Variants in PGLYRP3 observed in about 807,000 individuals in gnomAD.
The protein encoded by PGLYRP3 is peptidoglycan recognition protein 3.
Under a neutral mutation model 36.0 loss-of-function variants are expected in PGLYRP3, and 39 were observed. The observed-to-expected ratio is 1.08, with a 90% confidence interval of 0.84 to 1.41. PGLYRP3 has a LOEUF of 1.41. PGLYRP3 is among the 40% of genes most tolerant of loss of function. The pLI is 0.00. For synonymous variants in PGLYRP3, 204 were observed against 172.8 expected (o/e 1.18, Z -1.42); for missense variants, 407 against 427.9 (o/e 0.95, Z 0.43).
intron 2 of PGLYRP3, among the ~76,000 whole-genome samples, chr1:153,309,302 A>C (rs1016351289): frequency 6.6e-6 from 1 of 152,240 alleles, no homozygotes; most frequent in African/African-American, 2.4e-5. Context: ...AAGCAAAGCA[A>C]CTATGCTGTC....
intron 1 of PGLYRP3, among the ~76,000 whole-genome samples, chr1:153,311,499 T>C (rs1342818620): frequency 1.3e-5 from 2 of 152,184 alleles, no homozygotes; most frequent in Non-Finnish European, 1.5e-5. Flanking sequence ...CTTCACAACC[T>C]GTTTGAGTTT....
At chr1:153,298,604 C>G (rs951389431) in intron 7 of PGLYRP3, among the ~76,000 whole-genome samples, 1 of 152,078 alleles carries the variant, frequency 6.6e-6, no homozygotes, top group African/African-American at 2.4e-5. Context: ...CATCACGCCG[C>G]TGCACTCCAG....
At chr1:153,299,831 A>G (rs1659541772) in intron 6 of PGLYRP3, among the ~76,000 whole-genome samples, 1 of 152,148 alleles carries the variant, frequency 6.6e-6, no homozygotes, top group African/African-American at 2.4e-5. Flanking sequence ...CCCCTCACTC[A>G]GCCCACCTGG....
chr1:153,298,860 TC>T (rs1024355266), intron 7 of PGLYRP3, among the ~76,000 whole-genome samples: 35 of 152,106 alleles, frequency 2.3e-4, no homozygotes, highest in African/African-American at 7.2e-4. Context: ...AAAAGACGTT[TC>T]CCCCCTTGCT....
chr1:153,304,607 G>GAAGA (rs5777856), intron 4 of PGLYRP3, among the ~76,000 whole-genome samples: 149,343 of 152,250 alleles, frequency 0.98, 73,265 homozygotes, highest in Middle Eastern at 1. Flanking sequence ...TCTACCAGTG[G>GAAGA]AACTGGAATA....
Position 153,305,006 on chromosome 1 carries a change from A to C in PGLYRP3, c.317T>G (p.Leu106Trp), listed in dbSNP as rs1659702230. ...AATGTTGTTGTAGCCCTGGGTGTGC[A>C]AGCCTTGGATGTTCCAGCCAACACC... ...YEGVGWNIQG[L>W]HTQGYNNISL... Residue 106 changes from leucine to tryptophan, a missense_variant, in exon 4 of 8, where the codon TTG (leucine) becomes TGG (tryptophan). Physicochemically the swap from Leu to Trp is moderately conservative, Grantham distance 61 (BLOSUM62 -2). Transcript: ENST00000683862. 1.2e-6 allele frequency: 2 copies of C among 1,613,848 alleles called. No individual in the cohort carries two copies. The highest frequency in any genetic ancestry group is 1.7e-5 in the Admixed American group (1 of 59,986).
intron 6 of PGLYRP3, among the ~76,000 whole-genome samples, chr1:153,300,873 C>G (rs1036046484): frequency 6.6e-5 from 10 of 152,174 alleles, no homozygotes; most frequent in African/African-American, 2.4e-4. Context: ...TTGCAAATTC[C>G]CTTTACACTC....
At position 153,302,461 on chromosome 1, in the gene PGLYRP3, T is replaced by C; in HGVS notation, c.676A>G (p.Asn226Asp). 6.2e-7 allele frequency: 1 copy of C among 1,614,208 alleles called. No individual in the cohort carries two copies. The highest frequency in any genetic ancestry group is 1.3e-5 in the African/African-American group (1 of 75,054). ...GTGTCCATGTGAAAGGACTGTATGT[T>C]TCGGACGACAGTCTGGCAGTCTGTG... ...VSTDCQTVVR[N>D]IQSFHMDTRN... The change falls in exon 6 of 8, where the codon AAC becomes GAC. Residue 226 changes from asparagine (N) to aspartate (D), a missense_variant. Asn to Asp is a conservative substitution (Grantham distance 23). Transcript: ENST00000683862.
chr1:153,305,252 G>A (rs1216165919), intron 3 of PGLYRP3, among the ~76,000 whole-genome samples, 187 bp from the exon 4 acceptor site: 1 of 152,120 alleles, frequency 6.6e-6, no homozygotes, highest in Non-Finnish European at 1.5e-5. Flanking sequence ...TTTAATTTTT[G>A]TTGGGATTTA....
intron 6 of PGLYRP3, among the ~76,000 whole-genome samples, chr1:153,300,816 A>G (rs1453571713): frequency 2.6e-5 from 4 of 152,030 alleles, no homozygotes; most frequent in African/African-American, 9.7e-5. Flanking sequence ...CCTAGCCTGA[A>G]CCTCTTTGGA....
chr1:153,308,978 T>C (rs1659828697), intron 2 of PGLYRP3, among the ~76,000 whole-genome samples: 1 of 139,520 alleles, frequency 7.2e-6, no homozygotes, highest in African/African-American at 2.6e-5. Flanking sequence ...ACCAAGACAG[T>C]TGTGACATGT....
intron 4 of PGLYRP3, 113 bp from the exon 5 acceptor site, chr1:153,304,122 G>C: frequency 2.0e-6 from 2 of 1,014,790 alleles, no homozygotes; most frequent in Non-Finnish European, 2.8e-6. Context: ...GATTGGAAGA[G>C]AGGAAACTGG....
rs1218524322 is a variant in PGLYRP3 at position 153,302,453 on chromosome 1, C to T, written c.684G>A (p.Gln228=). Residue 228 remains glutamine, a synonymous_variant, in exon 6 of 8, where the codon CAG becomes CAA. Transcript: ENST00000683862. ...AGTTCCGTGTGTCCATGTGAAAGGA[C>T]TGTATGTTTCGGACGACAGTCTGGC... is the stretch of plus-strand genomic sequence containing the variant. ...TDCQTVVRNI[Q]SFHMDTRNFC... is the part of the protein sequence containing the mutation. 2 of 1,614,058 alleles carry T rather than the reference C, an allele frequency of 1.2e-6. No individual in the cohort carries two copies. The highest frequency in any genetic ancestry group is 4.5e-5 in the East Asian group (2 of 44,894).
chr1:153,305,172 G>C, intron 3 of PGLYRP3, 107 bp from the exon 4 acceptor site: 1 of 819,722 alleles, frequency 1.2e-6, no homozygotes, highest in Non-Finnish European at 2.0e-6. Flanking sequence ...TAAGTACTAT[G>C]TTCCAATAAC....
intron 6 of PGLYRP3, among the ~76,000 whole-genome samples, chr1:153,300,835 T>C (rs1369669870): frequency 2.0e-5 from 3 of 152,238 alleles, no homozygotes; most frequent in African/African-American, 7.2e-5. Context: ...GATATGCCTG[T>C]GGTTCCTGTA....
At chr1:153,304,390 T>C (rs1201379989) in intron 4 of PGLYRP3, among the ~76,000 whole-genome samples, 1 of 152,242 alleles carries the variant, frequency 6.6e-6, no homozygotes, top group Non-Finnish European at 1.5e-5. Context: ...TTTTTATATC[T>C]GTTAACTCAT....
intron 2 of PGLYRP3, among the ~76,000 whole-genome samples, chr1:153,308,817 A>G (rs915597997): frequency 1.3e-5 from 2 of 152,146 alleles, no homozygotes; most frequent in Admixed American, 6.5e-5. Flanking sequence ...ACATCTGCCC[A>G]GAGAGGCCTT....
At position 153,297,549 on chromosome 1, in the gene PGLYRP3, AG is replaced by A. The variant is rs1416036748; in HGVS notation, c.*406del. Among the ~76,000 whole-genome samples, 5 of 84,080 alleles carry A rather than the reference AG, an allele frequency of 5.9e-5. No individual in the cohort carries two copies. Among genetic ancestry groups the A allele is most frequent in the African/African-American group, 2.2e-4 (5 of 22,516 alleles). 55.2% of individuals were successfully genotyped at this position (84,080 alleles called of 152,430 possible). A position where few individuals can be genotyped will look rare whatever the true frequency, so the allele number is the denominator to read the frequency against. On this transcript the variant is annotated 3_prime_UTR_variant, in exon 8 of 8. Coordinates refer to ENST00000683862, the MANE Select transcript of PGLYRP3 (RefSeq NM_052891.3). ...AAGGAAGGAAGGAAGGAAGGAAGGA[AG>A]GAAAGAAAGAAAAAGAAAGAAAGAA...
chr1:153,310,774 G>C (rs1300367769), intron 1 of PGLYRP3, 68 bp from the exon 2 acceptor site: 7 of 987,772 alleles, frequency 7.1e-6, no homozygotes, highest in Non-Finnish European at 9.4e-6. Flanking sequence ...CCTACTATGT[G>C]GCACCACTGT....
Sources: gnomAD v4.1 joint callset for allele counts (sites outside exome capture counted in the v4.1 genomes callset) on GRCh38, gnomAD v4.1.1 for gene constraint, MANE v1.5 for transcripts, NCBI Gene and HGNC (gene_info 2026-07-23, HGNC 2026-07-21) for gene names.